Variants in STXBP6 observed in about 807,000 individuals in gnomAD.
STXBP6 encodes the protein syntaxin binding protein 6.
Under a neutral mutation model 26.9 loss-of-function variants are expected in STXBP6, and 21 were observed. That is an observed-to-expected ratio of 0.78 (90% CI 0.55 to 1.12). The LOEUF (loss-of-function observed/expected upper bound fraction) is 1.12. Ranked by LOEUF, STXBP6 falls within the 50% of genes most tolerant of loss-of-function variation. The pLI is 0.00. For missense variants in STXBP6, 232 were observed against 257.9 expected, an observed-to-expected ratio of 0.90 and a Z score of 0.69; for synonymous variants, 97 against 92.6, an observed-to-expected ratio of 1.05 and a Z score of -0.27.
intron 1 of STXBP6, among the ~76,000 whole-genome samples, chr14:25,018,609 G>A (rs1378940234): frequency 1.3e-5 from 2 of 152,076 alleles, no homozygotes; most frequent in Non-Finnish European, 2.9e-5. Context: ...ATGAATGTTG[G>A]CATAGCAGGA....
chr14:25,024,625 G>T (rs1414247253), intron 1 of STXBP6, among the ~76,000 whole-genome samples: 2 of 152,052 alleles, frequency 1.3e-5, no homozygotes, highest in Non-Finnish European at 2.9e-5. Context: ...CTTTTAAATT[G>T]ACATGGATTC....
chr14:24,918,206 C>T (rs1001148397), intron 2 of STXBP6, among the ~76,000 whole-genome samples: 2 of 151,780 alleles, frequency 1.3e-5, no homozygotes, highest in Non-Finnish European at 2.9e-5. Flanking sequence ...TGATGTACTG[C>T]ACAGATGTGT....
chr14:24,919,844 C>T (rs1191143521), intron 2 of STXBP6, among the ~76,000 whole-genome samples: 1 of 151,958 alleles, frequency 6.6e-6, no homozygotes, highest in Non-Finnish European at 1.5e-5. Flanking sequence ...TAAATCTTCA[C>T]TTGCTTACAA....
At chr14:24,976,974 T>C (rs1280114401) in intron 1 of STXBP6, among the ~76,000 whole-genome samples, 1 of 148,840 alleles carries the variant, frequency 6.7e-6, no homozygotes, top group Non-Finnish European at 1.5e-5. Context: ...TCGATTCTAC[T>C]GCCTCAGCCT....
rs1288769044 is a variant in STXBP6 at position 24,919,120 on chromosome 14, G to T, written c.154+55545C>A. ...AGCCCTCAAGGTGAGATGTGTCGGA[G>T]CTGCCTAAGTTGTCTGCCTTTGTTT... On this transcript the variant is annotated intron_variant, in intron 2 of 5. Coordinates refer to ENST00000323944, the MANE Select transcript of STXBP6 (RefSeq NM_001394410.1). Among the ~76,000 whole-genome samples, 4 of 152,048 alleles carry T rather than the reference G, an allele frequency of 2.6e-5. No homozygotes were observed. The East Asian group carries it at 7.7e-4, about 29-fold the overall frequency.
intron 1 of STXBP6, among the ~76,000 whole-genome samples, chr14:25,033,085 C>T (rs1455643149): frequency 6.6e-6 from 1 of 152,154 alleles, no homozygotes; most frequent in Non-Finnish European, 1.5e-5. Context: ...ATAAGTAATA[C>T]TGTGAGGATT....
At chr14:24,908,910 A>G (rs74040713) in intron 2 of STXBP6, among the ~76,000 whole-genome samples, 2,050 of 152,336 alleles carry the variant, frequency 0.013, 44 homozygotes, top group African/African-American at 0.044. Flanking sequence ...ACACAGCTCA[A>G]GGACAAGTTA....
At chr14:24,990,718 C>T (rs2074447786) in intron 1 of STXBP6, among the ~76,000 whole-genome samples, 1 of 143,342 alleles carries the variant, frequency 7.0e-6, no homozygotes, top group African/African-American at 2.6e-5. Context: ...GAAAACAGAG[C>T]AATTAGTAGT....
chr14:25,024,555 A>G (rs573430654), intron 1 of STXBP6, among the ~76,000 whole-genome samples: 24 of 152,248 alleles, frequency 1.6e-4, no homozygotes, highest in Admixed American at 1.3e-3. Flanking sequence ...TGGGGCCCCA[A>G]AAGCTTTTCT....
intron 1 of STXBP6, among the ~76,000 whole-genome samples, chr14:25,027,193 A>G (rs1157883131): frequency 1.3e-5 from 2 of 152,178 alleles, no homozygotes. Context: ...CACTTCACAG[A>G]TATTTTATAT....
At chr14:24,835,110 T>C (rs1487871383) in intron 4 of STXBP6, among the ~76,000 whole-genome samples, 2 of 152,150 alleles carry the variant, frequency 1.3e-5, no homozygotes, top group African/African-American at 4.8e-5. Flanking sequence ...GCTGAGGTAA[T>C]AGAAGACCCT....
At chr14:24,828,940 G>C (rs148582861) in intron 4 of STXBP6, among the ~76,000 whole-genome samples, 1 of 152,192 alleles carries the variant, frequency 6.6e-6, no homozygotes, top group Non-Finnish European at 1.5e-5. Flanking sequence ...ATCACTGGGC[G>C]TATGTGAAGA....
chr14:25,016,588 A>T (rs2075153400), intron 1 of STXBP6, among the ~76,000 whole-genome samples: 1 of 152,216 alleles, frequency 6.6e-6, no homozygotes, highest in Non-Finnish European at 1.5e-5. Context: ...TAAGAAATTC[A>T]CATTCTAGAG....
chr14:24,855,731 C>G (rs2069304714), intron 4 of STXBP6, among the ~76,000 whole-genome samples: 1 of 152,062 alleles, frequency 6.6e-6, no homozygotes, highest in African/African-American at 2.4e-5. Flanking sequence ...AAAAGACCAG[C>G]TTTTGGACAA....
intron 2 of STXBP6, among the ~76,000 whole-genome samples, chr14:24,929,607 A>G (rs900785019): frequency 6.6e-6 from 1 of 152,246 alleles, no homozygotes; most frequent in African/African-American, 2.4e-5. Context: ...TCCTATTTAG[A>G]CTTCCAGCAC....
At chr14:24,894,583 T>C (rs2070917212) in intron 2 of STXBP6, among the ~76,000 whole-genome samples, 1 of 152,306 alleles carries the variant, frequency 6.6e-6, no homozygotes, top group South Asian at 2.1e-4. Flanking sequence ...CCCCAATCCA[T>C]AGAACACAGC....
intron 4 of STXBP6, among the ~76,000 whole-genome samples, chr14:24,834,989 T>A (rs2068569923): frequency 6.6e-6 from 1 of 152,218 alleles, no homozygotes; most frequent in Non-Finnish European, 1.5e-5. Context: ...AAGTTGTGTC[T>A]TGTTTTTCCT....
intron 4 of STXBP6, among the ~76,000 whole-genome samples, chr14:24,852,367 C>T (rs1204864249): frequency 2.0e-5 from 3 of 152,154 alleles, no homozygotes; most frequent in Non-Finnish European, 4.4e-5. Context: ...CAATCTCACA[C>T]GTCTACGCTT....
intron 1 of STXBP6, among the ~76,000 whole-genome samples, chr14:25,002,285 T>C (rs923586395): frequency 6.6e-6 from 1 of 152,002 alleles, no homozygotes; most frequent in African/African-American, 2.4e-5. Context: ...GGTAATAAAC[T>C]TCCTACTTCC....
Sources: gnomAD v4.1 joint callset for allele counts (sites outside exome capture counted in the v4.1 genomes callset) on GRCh38, gnomAD v4.1.1 for gene constraint, MANE v1.5 for transcripts, NCBI Gene and HGNC (gene_info 2026-07-23, HGNC 2026-07-21) for gene names.